NIT2: variants seen among roughly 807,000 people sequenced by gnomAD.
The protein encoded by NIT2 is omega-amidase NIT2.
NIT2 carries 46 observed loss-of-function variants against 42.7 expected under a neutral mutation model. The ratio of observed to expected loss-of-function variants is 1.08; its 90% CI spans 0.85 to 1.38. NIT2 has a LOEUF of 1.38. Among genes scored for constraint, NIT2 ranks in the 40% most tolerant of loss-of-function variants. The probability of loss-of-function intolerance (pLI) is 0.00; values close to 1 mark genes in which losing one functional copy is unlikely to be tolerated. For synonymous variants in NIT2, 123 were observed against 121.9 expected (o/e 1.01, Z -0.06); for missense variants, 309 against 342.5 (o/e 0.90, Z 0.77).
In NIT2 at chr3:100,355,283, A is replaced by G. The variant is rs940632813; in HGVS notation, c.*15A>G. The G allele has an allele frequency of 1.9e-6, 3 of 1,566,726 alleles. No homozygotes were observed. Among genetic ancestry groups the G allele is most frequent in the Admixed American group, 1.7e-5 (1 of 59,772 alleles). On this transcript the variant is annotated 3_prime_UTR_variant, in exon 10 of 10. Transcript: ENST00000394140. The stretch of plus-strand genomic sequence containing the variant: ...AAAAGCCCTAAAGTTTATGTTTCTA[A>G]TGTGTCACAGAATAGGACGATATGA...
chr3:100,361,634 A>G lies in NIT2; in HGVS notation c.*6366A>G, dbSNP rs78445716. Reference sequence around the variant, plus strand: ...AAACCAGACTAGTTATTTTCATGCTAAGAGTCTGAAAACAGTGCCTTCTTT... The same window carrying G: ...AAACCAGACTAGTTATTTTCATGCTGAGAGTCTGAAAACAGTGCCTTCTTT... On this transcript the variant is annotated 3_prime_UTR_variant, in exon 10 of 10. Transcript: ENST00000394140. 1 of 152,344 alleles carries G rather than the reference A, an allele frequency of 6.6e-6. No individual in the cohort carries two copies. The highest frequency in any genetic ancestry group is 1.9e-4 in the East Asian group (1 of 5,186). The allele number at this position is 152,344 out of a possible 1,614,324, so 9.4% of individuals were successfully genotyped here. A position where few individuals can be genotyped will look rare whatever the true frequency, so the allele number is the denominator to read the frequency against.
chr3:100,354,965 T>C, intron 9 of NIT2, 138 bp downstream of exon 9: 2 of 826,308 alleles, frequency 2.4e-6, no homozygotes, highest in Middle Eastern at 2.9e-4. Flanking sequence ...TATTCTAGGG[T>C]CTGGTTCTCT....
intron 9 of NIT2, 70 bp downstream of exon 9, chr3:100,354,897 G>C (rs1706310088): frequency 7.7e-7 from 1 of 1,304,976 alleles, no homozygotes; most frequent in East Asian, 2.3e-5. Context: ...TCCATGGCTG[G>C]GAAGTCCCTG....
intron 8 of NIT2, 30 bp downstream of exon 8, chr3:100,352,532 G>T (rs780055169): frequency 1.9e-6 from 3 of 1,561,224 alleles, no homozygotes; most frequent in African/African-American, 2.7e-5. Flanking sequence ...AATAGGCTCA[G>T]TCGGAGCTTG....
At position 100,355,650 on chromosome 3, in the gene NIT2, C is replaced by G. The variant is rs1011861323; in HGVS notation, c.*382C>G. On this transcript the variant is annotated 3_prime_UTR_variant, in exon 10 of 10. Transcript: ENST00000394140. ...ATCTCCATCATCTAGAAAACGTGGTCTGGTGCTATTCTTTTCCAAGCAGTA... is the reference window on the plus strand; with the variant it reads ...ATCTCCATCATCTAGAAAACGTGGTGTGGTGCTATTCTTTTCCAAGCAGTA... 5.8e-6 allele frequency: 1 copy of G among 171,384 alleles called. No individual in the cohort carries two copies. Among genetic ancestry groups the G allele is most frequent in the African/African-American group, 2.4e-5 (1 of 41,908 alleles). 10.6% of individuals were successfully genotyped at this position (171,384 alleles called of 1,614,324 possible).
At chr3:100,354,984 CCTGGGGAGTGTATCAGCTTGAATTTT>C (rs1706312118) in intron 9 of NIT2, among the ~76,000 whole-genome samples, 157 bp downstream of exon 9, 1 of 152,052 alleles carries the variant, frequency 6.6e-6, no homozygotes. Flanking sequence ...CTGGCCAATC[CCTGGGGAGTGTATCAGCTTGAATTTT>C]CTTGGTTTGG....
chr3:100,346,867 T>A (rs1055768760), intron 6 of NIT2, among the ~76,000 whole-genome samples: 1 of 152,096 alleles, frequency 6.6e-6, no homozygotes, highest in Non-Finnish European at 1.5e-5. Context: ...TACTTCCAAA[T>A]AGACTGTCAC....
intron 7 of NIT2, among the ~76,000 whole-genome samples, chr3:100,350,876 T>G (rs1002576200): frequency 1.3e-5 from 2 of 151,630 alleles, no homozygotes; most frequent in Non-Finnish European, 1.5e-5. Context: ...CCCACAACAG[T>G]CCCCAGAGTG....
chr3:100,345,741 C>CT lies in NIT2; in HGVS notation c.430+69dup. ...GTAGAAGACAATCAGGTATTTATTT[C>CT]TTTTTTGTCTCTCTCCGATTTCTTC... On this transcript the variant is annotated intron_variant, in intron 5 of 9. Transcript: ENST00000394140. 4 of 1,017,452 alleles carry CT rather than the reference C, an allele frequency of 3.9e-6. No homozygotes were observed. In the South Asian group the frequency reaches 5.5e-5, roughly 14 times the overall value. The allele number at this position is 1,017,452 out of a possible 1,614,324, so 63.0% of individuals were successfully genotyped here. A position where few individuals can be genotyped will look rare whatever the true frequency, so the allele number is the denominator to read the frequency against.
At chr3:100,349,006 C>A in intron 7 of NIT2, 125 bp downstream of exon 7, 1 of 723,094 alleles carries the variant, frequency 1.4e-6, no homozygotes, top group Non-Finnish European at 2.3e-6. Flanking sequence ...CCCTTGTATC[C>A]AAATGCAGTT....
rs1706316575 is a variant in NIT2, at chr3:100,355,369, C to A, written c.*101C>A. 7.4e-6 allele frequency: 6 copies of A among 811,938 alleles called. No individual in the cohort carries two copies. Among genetic ancestry groups the A allele is most frequent in the South Asian group, 3.5e-5 (2 of 57,478 alleles). The allele number at this position is 811,938 out of a possible 1,614,324, so 50.3% of individuals were successfully genotyped here. On this transcript the variant is annotated 3_prime_UTR_variant, in exon 10 of 10. Coordinates refer to ENST00000394140, the MANE Select transcript of NIT2 (RefSeq NM_020202.5). Reference sequence around the variant, plus strand: ...AATGAAGATTTTTTTTTTAATTCGGCCTTGTCCTTCCTAGGTTCTCTATTG... The same window carrying A: ...AATGAAGATTTTTTTTTTAATTCGGACTTGTCCTTCCTAGGTTCTCTATTG...
rs1243804988 is a variant in NIT2, at chr3:100,354,813, T to C, written c.725T>C (p.Val242Ala). The stretch of plus-strand genomic sequence containing the variant: ...AAAGCTGGCACAGAAGAAGCAATCG[T>C]GTATTCAGACATAGGTAAGATTTTC... ...LAKAGTEEAI[V>A]YSDIDLKKLA... Residue 242 changes from valine to alanine, a missense_variant, in exon 9 of 10, where the codon GTG becomes GCG. By Grantham distance (64) the Val-to-Ala change is moderately conservative (BLOSUM62 0). Coordinates refer to ENST00000394140, the MANE Select transcript of NIT2 (RefSeq NM_020202.5). 1.9e-6 allele frequency: 3 copies of C among 1,610,918 alleles called. No homozygotes were observed. The highest frequency in any genetic ancestry group is 2.5e-6 in the Non-Finnish European group (3 of 1,178,520).
chr3:100,349,011 G>T, intron 7 of NIT2, 130 bp downstream of exon 7: 2 of 710,462 alleles, frequency 2.8e-6, no homozygotes, highest in Non-Finnish European at 4.8e-6. Flanking sequence ...GTATCCAAAT[G>T]CAGTTGGAAA....
At position 100,359,556 on chromosome 3, in the gene NIT2, G is replaced by A. The variant is rs748720215; in HGVS notation, c.*4288G>A. 1.3e-4 allele frequency: 20 copies of A among 152,104 alleles called. No individual in the cohort carries two copies. The highest frequency in any genetic ancestry group is 3.9e-4 in the East Asian group (2 of 5,180). The allele number at this position is 152,104 out of a possible 1,614,324, so 9.4% of individuals were successfully genotyped here. On this transcript the variant is annotated 3_prime_UTR_variant, in exon 10 of 10. Coordinates refer to ENST00000394140, the MANE Select transcript of NIT2 (RefSeq NM_020202.5). ...TTACTAAAGACCGATTTGTAGACCT[G>A]TCCATGTGGCCTCTCTCAACACCAT...
intron 7 of NIT2, among the ~76,000 whole-genome samples, chr3:100,352,045 C>G (rs563552873): frequency 6.6e-6 from 1 of 152,228 alleles, no homozygotes; most frequent in Admixed American, 6.5e-5. Flanking sequence ...AAATGCAAAT[C>G]AAAACCACAA....
chr3:100,341,494 G>A (rs916564854), intron 4 of NIT2, among the ~76,000 whole-genome samples: 1 of 151,732 alleles, frequency 6.6e-6, no homozygotes, highest in Admixed American at 6.6e-5. Flanking sequence ...TCAGCCTCCC[G>A]AGTAGCTGGG....
intron 4 of NIT2, 72 bp downstream of exon 4, chr3:100,341,233 A>G (rs1706147042): frequency 1.1e-5 from 12 of 1,069,596 alleles, no homozygotes; most frequent in African/African-American, 3.1e-5. Context: ...AAAATTTGCT[A>G]TGAAGTTCCC....
intron 4 of NIT2, among the ~76,000 whole-genome samples, chr3:100,343,199 CCTTT>C (rs1706174733): frequency 6.6e-6 from 1 of 151,764 alleles, no homozygotes. Context: ...GATGTGGTTT[CCTTT>C]GTCTTTGCCT....
chr3:100,346,316 A>G (rs1043645333), intron 6 of NIT2, 61 bp downstream of exon 6: 37 of 1,446,772 alleles, frequency 2.6e-5, no homozygotes, highest in Admixed American at 5.3e-5. Flanking sequence ...AGGCTGGTCT[A>G]TGTGGGATCC....
Sources: allele counts gnomAD v4.1 joint callset (sites outside exome capture counted in the v4.1 genomes callset), GRCh38; gene constraint gnomAD v4.1.1; transcripts MANE v1.5; gene names NCBI Gene and HGNC (gene_info 2026-07-23, HGNC 2026-07-21).